Variants in PSORS1C1 observed in about 807,000 individuals in gnomAD.
PSORS1C1 encodes psoriasis susceptibility 1 candidate 1.
PSORS1C1 carries 7 observed loss-of-function variants against 9.4 expected under a neutral mutation model. The ratio of observed to expected loss-of-function variants is 0.75; its 90% confidence interval spans 0.42 to 1.40. PSORS1C1 has a LOEUF of 1.40. Among genes scored for constraint, PSORS1C1 ranks in the 40% most tolerant of loss-of-function variants. PSORS1C1 has a pLI of 0.01. For missense variants in PSORS1C1, 146 were observed against 178.1 expected (o/e 0.82, Z 1.02); for synonymous variants, 63 against 69.4 (o/e 0.91, Z 0.46).
chr6:31,122,671 C>T (rs1362812223), intron 1 of PSORS1C1, among the ~76,000 whole-genome samples: 3 of 152,084 alleles, frequency 2.0e-5, no homozygotes, highest in Non-Finnish European at 2.9e-5. Context: ...CCCTGCTACT[C>T]GGGAGGCTGA....
At chr6:31,132,436 C>T (rs139814780) in intron 3 of PSORS1C1, among the ~76,000 whole-genome samples, 106 of 126,680 alleles carry the variant, frequency 8.4e-4, no homozygotes, top group African/African-American at 2.7e-3. Context: ...GCAGGAGAAT[C>T]GCTTGAACTC....
chr6:31,130,276 C>G (rs1365620242), intron 3 of PSORS1C1, among the ~76,000 whole-genome samples: 1 of 129,780 alleles, frequency 7.7e-6, no homozygotes, highest in East Asian at 2.4e-4. Flanking sequence ...TTTTTTTTTT[C>G]TGAGACAGCT....
At chr6:31,120,905 A>G (rs527527364) in intron 1 of PSORS1C1, among the ~76,000 whole-genome samples, 4 of 57,540 alleles carry the variant, frequency 7.0e-5, no homozygotes, top group African/African-American at 2.1e-4. Flanking sequence ...CCCAACCCCA[A>G]TGAGGTCCCA....
In PSORS1C1 at chr6:31,115,291, G is replaced by A; in HGVS notation, c.-229+400G>A. ...GCACCTAGTCCCCACAGTTTACTGAGCCATCTGTCCAGGATCCAGGGACAG... is the reference window on the plus strand; with the variant it reads ...GCACCTAGTCCCCACAGTTTACTGAACCATCTGTCCAGGATCCAGGGACAG... On this transcript the variant is annotated intron_variant, in intron 1 of 5. Coordinates refer to ENST00000259881, the MANE Select transcript of PSORS1C1 (RefSeq NM_014068.3). This position sits in a 1 kb window ranked among gnomAD's most constrained non-coding sequence, Gnocchi z 4.2. 4.5e-6 allele frequency: 1 copy of A among 220,382 alleles called. No homozygotes were observed. Among genetic ancestry groups the A allele is most frequent in the Non-Finnish European group, 9.1e-6 (1 of 109,686 alleles). The allele number at this position is 220,382 out of a possible 1,614,324, so 13.7% of individuals were successfully genotyped here.
At chr6:31,131,310 T>C (rs181682736) in intron 3 of PSORS1C1, among the ~76,000 whole-genome samples, 63 of 152,262 alleles carry the variant, frequency 4.1e-4, no homozygotes, top group African/African-American at 1.4e-3. Context: ...AGAGCTGGGA[T>C]GGGCCAGGCG....
chr6:31,134,522 G>A (rs950303892), intron 3 of PSORS1C1, among the ~76,000 whole-genome samples: 9 of 151,736 alleles, frequency 5.9e-5, no homozygotes, highest in Non-Finnish European at 1.3e-4. Flanking sequence ...AGCCAGGATG[G>A]TCTCGATCTC....
chr6:31,139,966 A>C lies in PSORS1C1; in HGVS notation c.*34A>C. 6.3e-7 allele frequency: 1 copy of C among 1,575,708 alleles called. No individual in the cohort carries two copies. Among genetic ancestry groups the C allele is most frequent in the East Asian group, 2.3e-5 (1 of 44,306 alleles). Reference sequence around the variant, plus strand: ...GAGAGACCCCTAGAACGTTTCCCTCAAGGACCTTTCTGCCTGGAAGTCTGT... The same window carrying C: ...GAGAGACCCCTAGAACGTTTCCCTCCAGGACCTTTCTGCCTGGAAGTCTGT... On this transcript the variant is annotated 3_prime_UTR_variant, in exon 6 of 6. Coordinates refer to ENST00000259881, the MANE Select transcript of PSORS1C1 (RefSeq NM_014068.3). The surrounding 1 kb of genome is among the most constrained non-coding windows in gnomAD (Gnocchi z 5.2).
chr6:31,138,253 CCT>C (rs961252144), intron 3 of PSORS1C1, 175 bp from the exon 4 acceptor site: 1 of 1,567,886 alleles, frequency 6.4e-7, no homozygotes, highest in African/African-American at 1.4e-5. Flanking sequence ...GAGCCTGCCT[CCT>C]CTCGGTCCTC....
At chr6:31,117,111 G>A in intron 1 of PSORS1C1, 3 of 1,614,134 alleles carry the variant, frequency 1.9e-6, no homozygotes, top group African/African-American at 2.7e-5. Context: ...TCCCTACTTG[G>A]AAGCTGCTGC....
In PSORS1C1 at chr6:31,139,322, C is replaced by T. The variant is rs1773329534; in HGVS notation, c.168-319C>T. ...CCCTCCATCCACATCCTGGAGCAGT[C>T]AATACCCACTTGGCATCTCCGTAAT... On this transcript the variant is annotated intron_variant, in intron 5 of 5. Transcript: ENST00000259881. This position sits in a 1 kb window ranked among gnomAD's most constrained non-coding sequence, Gnocchi z 5.2. 1 of 585,560 alleles carries T rather than the reference C, an allele frequency of 1.7e-6. No homozygotes were observed. Among genetic ancestry groups the T allele is most frequent in the Non-Finnish European group, 3.0e-6 (1 of 328,836 alleles). 36.3% of individuals were successfully genotyped at this position (585,560 alleles called of 1,614,324 possible). A position where few individuals can be genotyped will look rare whatever the true frequency, so the allele number is the denominator to read the frequency against.
chr6:31,117,929 T>G, intron 1 of PSORS1C1: 1 of 187,740 alleles, frequency 5.3e-6, no homozygotes, highest in Non-Finnish European at 1.1e-5. Flanking sequence ...ACCCCGTCTG[T>G]ATTTTGTTTT....
At chr6:31,137,735 G>C in intron 3 of PSORS1C1, 1 of 402,248 alleles carries the variant, frequency 2.5e-6, no homozygotes, top group East Asian at 3.6e-5. Context: ...TAGGCTGTCA[G>C]AGGAAAAAAC....
intron 1 of PSORS1C1, among the ~76,000 whole-genome samples, chr6:31,125,243 C>G (rs1468122038): frequency 6.6e-6 from 1 of 152,140 alleles, no homozygotes; most frequent in African/African-American, 2.4e-5. Context: ...GGCCTGTGGG[C>G]TCCTCCCCTC....
chr6:31,125,477 T>G (rs2150966051), intron 1 of PSORS1C1, among the ~76,000 whole-genome samples, 199 bp from the exon 2 acceptor site: 1 of 152,292 alleles, frequency 6.6e-6, no homozygotes, highest in South Asian at 2.1e-4. Flanking sequence ...ACTCTTCACC[T>G]GGTTCCTCTG....
At chr6:31,130,862 A>AT (rs56327850) in intron 3 of PSORS1C1, among the ~76,000 whole-genome samples, 9,794 of 143,306 alleles carry the variant, frequency 0.068, 382 homozygotes, top group South Asian at 0.19. Flanking sequence ...TTTAATTTTA[A>AT]TTTTTTTTTT....
chr6:31,123,199 C>T (rs895927617), intron 1 of PSORS1C1, among the ~76,000 whole-genome samples: 1 of 152,226 alleles, frequency 6.6e-6, no homozygotes, highest in Non-Finnish European at 1.5e-5. Context: ...CCTGGCTACT[C>T]TCTCCTGTCC....
chr6:31,119,743 C>CAA (rs9281213), intron 1 of PSORS1C1, among the ~76,000 whole-genome samples: 22 of 151,110 alleles, frequency 1.5e-4, no homozygotes, highest in African/African-American at 4.6e-4. Flanking sequence ...ACTAAAAATA[C>CAA]AAAAAAAAGA....
chr6:31,140,035 C>CCCAGGTTGTTCCCTGCCTGGT lies in PSORS1C1; in HGVS notation c.*106_*126dup. On this transcript the variant is annotated 3_prime_UTR_variant, in exon 6 of 6. Coordinates refer to ENST00000259881, the MANE Select transcript of PSORS1C1 (RefSeq NM_014068.3). This position sits in a 1 kb window ranked among gnomAD's most constrained non-coding sequence, Gnocchi z 4.6. Reference sequence around the variant, plus strand: ...ATGTCCAAAATAAAATTTGATTCCTCCCAGGTTGTTCCCTGCCTGGTCCGC... The same window carrying CCCAGGTTGTTCCCTGCCTGGT: ...ATGTCCAAAATAAAATTTGATTCCTCCCAGGTTGTTCCCTGCCTGGTCCAGGTTGTTCCCTGCCTGGTCCGC... 2 of 1,164,786 alleles carry CCCAGGTTGTTCCCTGCCTGGT rather than the reference C, an allele frequency of 1.7e-6. No individual in the cohort carries two copies. The highest frequency in any genetic ancestry group is 2.5e-6 in the Non-Finnish European group (2 of 807,326). The allele number at this position is 1,164,786 out of a possible 1,614,324, so 72.2% of individuals were successfully genotyped here.
At chr6:31,119,992 ATAT>A (rs1471729998) in intron 1 of PSORS1C1, among the ~76,000 whole-genome samples, 1 of 152,170 alleles carries the variant, frequency 6.6e-6, no homozygotes, top group Non-Finnish European at 1.5e-5. Context: ...TCTAAAAATG[ATAT>A]TATTACTATT....
Sources: gnomAD v4.1 joint callset for allele counts (sites outside exome capture counted in the v4.1 genomes callset) on GRCh38, gnomAD v4.1.1 for gene constraint, Gnocchi (gnomAD v3.1) non-coding constraint, MANE v1.5 for transcripts, NCBI Gene and HGNC (gene_info 2026-07-23, HGNC 2026-07-21) for gene names.